Variants in DAG1 observed in about 807,000 individuals in gnomAD.
The protein encoded by DAG1 is dystroglycan 1 (dystrophin-associated glycoprotein 1).
Under a neutral mutation model 46.1 loss-of-function variants are expected in DAG1, and 8 were observed. The ratio of observed to expected loss-of-function variants is 0.17; its 90% CI spans 0.10 to 0.31. The LOEUF (loss-of-function observed/expected upper bound fraction) is 0.31. Ranked by LOEUF, DAG1 falls within the 10% of genes least tolerant of loss-of-function variation. The pLI is 1.00. For missense variants in DAG1, 1,003 were observed against 1,189.9 expected (o/e 0.84, Z 2.31); for synonymous variants, 495 against 481.8 (o/e 1.03, Z -0.36).
intron 2 of DAG1, among the ~76,000 whole-genome samples, chr3:49,516,648 G>A (rs146343916): frequency 1.9e-4 from 29 of 152,288 alleles, no homozygotes; most frequent in African/African-American, 6.5e-4. Context: ...TTGACCATTG[G>A]GAGCCCCTTT....
chr3:49,507,048 T>C (rs1190038388), intron 1 of DAG1, among the ~76,000 whole-genome samples: 6 of 152,272 alleles, frequency 3.9e-5, no homozygotes, highest in African/African-American at 1.4e-4. Context: ...GTTTCCTCCT[T>C]GTCTGCTTTC....
chr3:49,508,224 G>T (rs1247667781), intron 1 of DAG1, among the ~76,000 whole-genome samples: 3 of 142,014 alleles, frequency 2.1e-5, no homozygotes, highest in South Asian at 2.3e-4. Context: ...ATAATGAGAT[G>T]GAGTTTTGCT....
chr3:49,496,397 G>A (rs1190738310), intron 1 of DAG1, among the ~76,000 whole-genome samples: 1 of 127,002 alleles, frequency 7.9e-6, no homozygotes, highest in African/African-American at 3.0e-5. Flanking sequence ...TCACTCTGTC[G>A]CCCAGACTGG....
chr3:49,532,505 C>T lies in DAG1; in HGVS notation c.1994C>T (p.Pro665Leu), dbSNP rs1318730347. 6.2e-7 allele frequency: 1 copy of T among 1,614,220 alleles called. No individual in the cohort carries two copies. Among genetic ancestry groups the T allele is most frequent in the Non-Finnish European group, 8.5e-7 (1 of 1,180,042 alleles). Residue 665 changes from proline to leucine, a missense_variant, in exon 3 of 3, where the codon CCC (proline) becomes CTC (leucine). Around this residue, in one of 3 missense-constraint regions of DAG1, gnomAD observed 755 missense variants for 854.1 expected, o/e 0.88. Transcript: ENST00000308775. This position sits in a 1 kb window ranked among gnomAD's most constrained non-coding sequence, Gnocchi z 5.4. ...IVVEWTNNTL[P>L]LEPCPKEQIA... ...GTGGAATGGACCAACAACACACTGC[C>T]CTTGGAGCCCTGCCCCAAGGAGCAG...
chr3:49,491,930 C>CTT (rs1166608912), intron 1 of DAG1, among the ~76,000 whole-genome samples: 40 of 137,382 alleles, frequency 2.9e-4, no homozygotes, highest in African/African-American at 9.8e-4. Flanking sequence ...CAAGTCTATT[C>CTT]TTTTTTTTTT....
chr3:49,473,439 C>A (rs988722103), intron 1 of DAG1, among the ~76,000 whole-genome samples: 3 of 151,512 alleles, frequency 2.0e-5, no homozygotes, highest in African/African-American at 4.8e-5. Flanking sequence ...AAAAAAAACA[C>A]AAAAAAAACA....
At chr3:49,491,433 C>G (rs2050181072) in intron 1 of DAG1, among the ~76,000 whole-genome samples, 1 of 151,850 alleles carries the variant, frequency 6.6e-6, no homozygotes, top group Admixed American at 6.6e-5. Context: ...GCCTCAGCCT[C>G]CCAAGTAGCA....
intron 1 of DAG1, among the ~76,000 whole-genome samples, chr3:49,472,037 A>AG (rs1333356239): frequency 3.9e-5 from 6 of 152,170 alleles, no homozygotes; most frequent in Non-Finnish European, 8.8e-5. Context: ...GGAGTCCTCC[A>AG]GCTTGGCAGG....
chr3:49,534,081 C>T lies in DAG1; in HGVS notation c.*882C>T, dbSNP rs1330750798. 1 of 152,464 alleles carries T rather than the reference C, an allele frequency of 6.6e-6. No homozygotes were observed. The highest frequency in any genetic ancestry group is 1.5e-5 in the Non-Finnish European group (1 of 68,106). 9.4% of individuals were successfully genotyped at this position (152,464 alleles called of 1,614,324 possible). A position where few individuals can be genotyped will look rare whatever the true frequency, so the allele number is the denominator to read the frequency against. Reference sequence around the variant, plus strand: ...CCAAGAGGCAGTGGTGGCTGTGGCCCCCAACTTTGGTGCTCCAGGGTGGGC... The same window carrying T: ...CCAAGAGGCAGTGGTGGCTGTGGCCTCCAACTTTGGTGCTCCAGGGTGGGC... On this transcript the variant is annotated 3_prime_UTR_variant, in exon 3 of 3. Transcript: ENST00000308775.
rs1170848878 is a variant in DAG1, at chr3:49,486,185, C to CTTTT, written c.-117+15753_-117+15756dup. ...AGATTTATACCACTATTTTCTTTTTCTTTTATTTATTTATTTATTTATTTA... is the reference window on the plus strand; with the variant it reads ...AGATTTATACCACTATTTTCTTTTTCTTTTTTTTATTTATTTATTTATTTATTTA... On this transcript the variant is annotated intron_variant, in intron 1 of 2. Coordinates refer to ENST00000308775, the MANE Select transcript of DAG1 (RefSeq NM_004393.6). Among the ~76,000 whole-genome samples, 20 of 141,478 alleles carry CTTTT rather than the reference C, an allele frequency of 1.4e-4. 1 individual carries two copies. Among genetic ancestry groups the CTTTT allele is most frequent in the Admixed American group, 5.7e-4 (8 of 14,032 alleles). The allele number at this position is 141,478 out of a possible 152,430, so 92.8% of individuals were successfully genotyped here.
At chr3:49,476,166 G>A (rs552111370) in intron 1 of DAG1, among the ~76,000 whole-genome samples, 18 of 152,302 alleles carry the variant, frequency 1.2e-4, no homozygotes, top group African/African-American at 3.6e-4. Context: ...AACTTTAGCA[G>A]TATGTTGACT....
chr3:49,496,096 CTAAAG>C (rs1334087509), intron 1 of DAG1, among the ~76,000 whole-genome samples: 2 of 152,128 alleles, frequency 1.3e-5, no homozygotes, highest in African/African-American at 4.8e-5. Context: ...TAAAAGCCTC[CTAAAG>C]TATTTTCTTC....
intron 2 of DAG1, among the ~76,000 whole-genome samples, chr3:49,528,274 G>GTTTTTTTTTTTTTTTTTTTTTTTT (rs1559575548): frequency 1.7e-5 from 1 of 60,328 alleles, no homozygotes; most frequent in Non-Finnish European, 3.5e-5. Context: ...GAAATAGTGT[G>GTTTTTTTTTTTTTTTTTTTTTTTT]ATTTTTTTTT....
intron 2 of DAG1, among the ~76,000 whole-genome samples, chr3:49,512,628 G>A (rs1397004799): frequency 6.6e-6 from 1 of 151,162 alleles, no homozygotes; most frequent in Non-Finnish European, 1.5e-5. Flanking sequence ...CTTATCTCGG[G>A]TGATCTGTCT....
At chr3:49,512,573 G>T (rs988428274) in intron 2 of DAG1, among the ~76,000 whole-genome samples, 3 of 151,376 alleles carry the variant, frequency 2.0e-5, no homozygotes, top group African/African-American at 7.3e-5. Context: ...TGTATTTTTA[G>T]TACTGACGGG....
chr3:49,476,398 C>T (rs753520473), intron 1 of DAG1, among the ~76,000 whole-genome samples: 4 of 151,834 alleles, frequency 2.6e-5, no homozygotes, highest in Non-Finnish European at 5.9e-5. Flanking sequence ...GAGACCAGCC[C>T]GTCCAACATG....
At chr3:49,520,350 T>A (rs2050996488) in intron 2 of DAG1, among the ~76,000 whole-genome samples, 1 of 152,238 alleles carries the variant, frequency 6.6e-6, no homozygotes, top group Admixed American at 6.5e-5. Flanking sequence ...CATCTCCTGC[T>A]TCCCTGAGCA....
At chr3:49,498,356 G>A (rs2050366370) in intron 1 of DAG1, among the ~76,000 whole-genome samples, 1 of 151,906 alleles carries the variant, frequency 6.6e-6, no homozygotes, top group Non-Finnish European at 1.5e-5. Context: ...TGACGCCAAG[G>A]AGTCAAAAAG....
chr3:49,525,142 G>A (rs970513146), intron 2 of DAG1, among the ~76,000 whole-genome samples: 4 of 152,108 alleles, frequency 2.6e-5, no homozygotes, highest in Admixed American at 2.6e-4. Flanking sequence ...AGATGCAGGG[G>A]TTTTAGAACA....
Sources: allele counts gnomAD v4.1 joint callset (sites outside exome capture counted in the v4.1 genomes callset), GRCh38; gene constraint gnomAD v4.1.1; regional missense constraint gnomAD v4.1.1; non-coding constraint Gnocchi (gnomAD v3.1); transcripts MANE v1.5; gene names NCBI Gene and HGNC (gene_info 2026-07-23, HGNC 2026-07-21).